The following ENPP6 variants were observed in gnomAD, a reference collection of about 807,000 sequenced individuals.
ENPP6 encodes glycerophosphocholine cholinephosphodiesterase ENPP6.
A neutral mutation model predicts 42.0 loss-of-function variants in ENPP6; 32 were observed. The ratio of observed to expected loss-of-function variants is 0.76; its 90% confidence interval spans 0.58 to 1.02. The LOEUF (loss-of-function observed/expected upper bound fraction) is 1.02. ENPP6 is among the 50% of genes least tolerant of loss of function. The pLI is 0.00. For missense variants in ENPP6, 552 were observed against 566.8 expected, an observed-to-expected ratio of 0.97 and a Z score of 0.27; for synonymous variants, 213 against 216.0, an observed-to-expected ratio of 0.99 and a Z score of 0.12.
At chr4:184,198,105 A>G (rs1732832145) in intron 1 of ENPP6, among the ~76,000 whole-genome samples, 1 of 152,258 alleles carries the variant, frequency 6.6e-6, no homozygotes, top group South Asian at 2.1e-4. Context: ...CATATGATGC[A>G]CTGGGCAGTT....
chr4:184,175,126 C>T (rs997032011), intron 1 of ENPP6, among the ~76,000 whole-genome samples: 4 of 152,162 alleles, frequency 2.6e-5, no homozygotes, highest in African/African-American at 7.2e-5. Flanking sequence ...TGCCCAGTGC[C>T]CCACCTTGTG....
chr4:184,132,011 G>A (rs181237227), intron 2 of ENPP6, among the ~76,000 whole-genome samples: 7 of 152,238 alleles, frequency 4.6e-5, no homozygotes, highest in Admixed American at 1.3e-4. Context: ...GCAGAAGATG[G>A]ATGTCCCAGC....
intron 6 of ENPP6, among the ~76,000 whole-genome samples, chr4:184,101,237 GTA>G (rs1487750071): frequency 1.3e-5 from 2 of 151,952 alleles, no homozygotes; most frequent in Admixed American, 1.3e-4. Context: ...GTGTGCGTGT[GTA>G]TATGTGAGTG....
At position 184,120,748 on chromosome 4, in the gene ENPP6, G is replaced by A. The variant is rs942782429; in HGVS notation, c.534-2848C>T. 3.9e-5 allele frequency among the ~76,000 whole-genome samples: 6 copies of A among 152,318 alleles called. No individual in the cohort carries two copies. In the South Asian group the frequency reaches 6.2e-4, roughly 16 times the overall value. ...TGTGTGGTGGGAGGCACATGGCTCC[G>A]GTGCCTGGGCTGCAGGCTGCAGAAC... On this transcript the variant is annotated intron_variant, in intron 3 of 7. Transcript: ENST00000296741.
chr4:184,212,715 C>T (rs1254384024), intron 1 of ENPP6, among the ~76,000 whole-genome samples: 1 of 151,800 alleles, frequency 6.6e-6, no homozygotes, highest in Non-Finnish European at 1.5e-5. Flanking sequence ...CAATGCCTTT[C>T]TTCACAGAAT....
intron 7 of ENPP6, among the ~76,000 whole-genome samples, chr4:184,095,428 G>A (rs1440000885): frequency 6.6e-6 from 1 of 152,060 alleles, no homozygotes; most frequent in Non-Finnish European, 1.5e-5. Context: ...GGGAGGCTGA[G>A]ACAGGCAGAT....
At chr4:184,131,202 T>TGTCTG (rs1553996029) in intron 2 of ENPP6, among the ~76,000 whole-genome samples, 1 of 6,430 alleles carries the variant, frequency 1.6e-4, no homozygotes, top group African/African-American at 7.0e-4. Flanking sequence ...TCTTTCTTTC[T>TGTCTG]TCTTTCTTTC....
In ENPP6 at chr4:184,091,039, C is replaced by G. The variant is rs1735780347; in HGVS notation, c.*138G>C. 1 of 770,912 alleles carries G rather than the reference C, an allele frequency of 1.3e-6. No individual in the cohort carries two copies. The highest frequency in any genetic ancestry group is 3.7e-5 in the Admixed American group (1 of 26,928). 47.8% of individuals were successfully genotyped at this position (770,912 alleles called of 1,614,324 possible). A position where few individuals can be genotyped will look rare whatever the true frequency, so the allele number is the denominator to read the frequency against. ...AGGAACTTTTATGTATAGAATTATC[C>G]AAGAATAATGTATTTACAATGTGCA... is the stretch of plus-strand genomic sequence containing the variant. On this transcript the variant is annotated 3_prime_UTR_variant, in exon 8 of 8. Coordinates refer to ENST00000296741, the MANE Select transcript of ENPP6 (RefSeq NM_153343.4).
At chr4:184,110,755 T>G (rs931147502) in intron 6 of ENPP6, among the ~76,000 whole-genome samples, 2 of 152,234 alleles carry the variant, frequency 1.3e-5, no homozygotes, top group African/African-American at 2.4e-5. Flanking sequence ...TCAGCAATCC[T>G]GGAATTGCCT....
At chr4:184,193,414 A>C (rs1004974428) in intron 1 of ENPP6, among the ~76,000 whole-genome samples, 2 of 152,214 alleles carry the variant, frequency 1.3e-5, no homozygotes, top group African/African-American at 2.4e-5. Flanking sequence ...ATGTGTATGA[A>C]ATGTCCAGAA....
intron 7 of ENPP6, among the ~76,000 whole-genome samples, chr4:184,094,973 T>C (rs145239288): frequency 1.3e-5 from 2 of 152,336 alleles, no homozygotes; most frequent in East Asian, 1.9e-4. Context: ...GAGAAGCACA[T>C]ACAGTTAATC....
chr4:184,116,757 C>A, intron 5 of ENPP6, 99 bp downstream of exon 5: 3 of 1,488,194 alleles, frequency 2.0e-6, no homozygotes, highest in Non-Finnish European at 1.8e-6. Context: ...AACACACACA[C>A]ACAAAACAAA....
intron 6 of ENPP6, among the ~76,000 whole-genome samples, chr4:184,098,816 C>T (rs1437194415): frequency 6.6e-6 from 1 of 152,214 alleles, no homozygotes; most frequent in African/African-American, 2.4e-5. Context: ...AAGACCTCGC[C>T]AAGGACGAAC....
chr4:184,196,008 T>C (rs1732789812), intron 1 of ENPP6, among the ~76,000 whole-genome samples: 1 of 152,214 alleles, frequency 6.6e-6, no homozygotes, highest in Non-Finnish European at 1.5e-5. Flanking sequence ...GGCTCCATCA[T>C]TTTCAACTTA....
intron 1 of ENPP6, among the ~76,000 whole-genome samples, chr4:184,171,583 T>C (rs1278302968): frequency 1.3e-5 from 2 of 152,194 alleles, no homozygotes; most frequent in African/African-American, 4.8e-5. Flanking sequence ...TTCAAATAAT[T>C]AAGCGGTGTC....
At chr4:184,131,212 C>G (rs1249275214) in intron 2 of ENPP6, among the ~76,000 whole-genome samples, 11 of 91,910 alleles carry the variant, frequency 1.2e-4, no homozygotes, top group African/African-American at 4.8e-4. Flanking sequence ...TTCTTTCTTT[C>G]TTTCTTTTTC....
In ENPP6 at chr4:184,206,385, G is replaced by C. The variant is rs567617593; in HGVS notation, c.241+11194C>G. Among the ~76,000 whole-genome samples, 158 of 107,726 alleles carry C rather than the reference G, an allele frequency of 1.5e-3. 1 individual carries two copies. Among genetic ancestry groups the C allele is most frequent in the Non-Finnish European group, 2.0e-3 (105 of 53,710 alleles). 70.7% of individuals were successfully genotyped at this position (107,726 alleles called of 152,430 possible). On this transcript the variant is annotated intron_variant, in intron 1 of 7. Transcript: ENST00000296741. Reference sequence around the variant, plus strand: ...CCATTCTCCTGCCTCAGCCTCCCGAGTAGCTGGGACTACAGGCGGGCGCCA... The same window carrying C: ...CCATTCTCCTGCCTCAGCCTCCCGACTAGCTGGGACTACAGGCGGGCGCCA...
At chr4:184,163,023 A>G (rs1321760378) in intron 1 of ENPP6, among the ~76,000 whole-genome samples, 1 of 152,190 alleles carries the variant, frequency 6.6e-6, no homozygotes, top group Non-Finnish European at 1.5e-5. Flanking sequence ...TCACCTGCTG[A>G]GGCTCAAGGC....
At chr4:184,182,083 A>G (rs559623138) in intron 1 of ENPP6, among the ~76,000 whole-genome samples, 196 of 152,248 alleles carry the variant, frequency 1.3e-3, no homozygotes, top group African/African-American at 4.5e-3. Flanking sequence ...AAACTACAGA[A>G]CAAGAGAAAA....
Sources: allele counts gnomAD v4.1 joint callset (sites outside exome capture counted in the v4.1 genomes callset), GRCh38; gene constraint gnomAD v4.1.1; transcripts MANE v1.5; gene names NCBI Gene and HGNC (gene_info 2026-07-23, HGNC 2026-07-21).